The following ITPKB variants were observed in gnomAD, a reference collection of about 807,000 sequenced individuals.
The protein encoded by ITPKB is inositol-trisphosphate 3-kinase B.
A neutral mutation model predicts 69.4 loss-of-function variants in ITPKB; 13 were observed. That is an observed-to-expected ratio of 0.19 (90% CI 0.12 to 0.30). The LOEUF (loss-of-function observed/expected upper bound fraction) is 0.30. Ranked by LOEUF, ITPKB falls within the 10% of genes least tolerant of loss-of-function variation. The pLI, the probability that ITPKB is intolerant of heterozygous loss-of-function variation, is 1.00. For synonymous variants in ITPKB, 584 were observed against 513.7 expected (o/e 1.14, Z -1.85); for missense variants, 1,240 against 1,250.5 (o/e 0.99, Z 0.13).
At chr1:226,691,396 G>C (rs780088345) in intron 2 of ITPKB, among the ~76,000 whole-genome samples, 2 of 152,162 alleles carry the variant, frequency 1.3e-5, no homozygotes, top group African/African-American at 2.4e-5. Flanking sequence ...CCGTGCTGGG[G>C]TGGGGCCTGG....
intron 2 of ITPKB, among the ~76,000 whole-genome samples, chr1:226,730,904 T>C (rs570535180): frequency 6.6e-5 from 10 of 152,354 alleles, no homozygotes; most frequent in East Asian, 1.9e-4. Context: ...AAATGACTTA[T>C]GTAACACCTC....
intron 2 of ITPKB, among the ~76,000 whole-genome samples, chr1:226,689,415 C>T (rs76196166): frequency 0.014 from 2,102 of 152,216 alleles, 108 homozygotes; most frequent in Admixed American, 0.081. Flanking sequence ...AACCAGCAGC[C>T]GCTGCTGCGG....
At position 226,661,755 on chromosome 1, in the gene ITPKB, C is replaced by A. The variant is rs545240034; in HGVS notation, c.1933-12984G>T. 2.0e-5 allele frequency among the ~76,000 whole-genome samples: 3 copies of A among 152,342 alleles called. No individual in the cohort carries two copies. The South Asian group carries it at 6.2e-4, about 32-fold the overall frequency. On this transcript the variant is annotated intron_variant, in intron 2 of 7. Transcript: ENST00000429204. ...GCAGATACATTTTGCATACCTCTCA[C>A]GTATACTGTCTGGTCTGACCCCCTC...
At chr1:226,716,560 T>C (rs1657102166) in intron 2 of ITPKB, among the ~76,000 whole-genome samples, 1 of 152,226 alleles carries the variant, frequency 6.6e-6, no homozygotes, top group African/African-American at 2.4e-5. Flanking sequence ...TCCTGATGCT[T>C]TCCCTACCTC....
intron 2 of ITPKB, chr1:226,674,969 C>T (rs1382626617): frequency 6.6e-6 from 1 of 152,154 alleles, no homozygotes; most frequent in Non-Finnish European, 1.5e-5. Context: ...CCAGTTCCTT[C>T]CAAAACAAAG....
At chr1:226,662,128 T>TC (rs1214048378) in intron 2 of ITPKB, among the ~76,000 whole-genome samples, 1 of 151,342 alleles carries the variant, frequency 6.6e-6, no homozygotes, top group Non-Finnish European at 1.5e-5. Flanking sequence ...CACCCAAACC[T>TC]CCCCCAGGGA....
Position 226,736,406 on chromosome 1 carries a change from G to A in ITPKB, c.1053C>T (p.Gly351=). ...ALVERQGQFL[G]SETSPAPERG... ...TTTCTGGGGCTGGGCTTGTCTCACTGCCCAGAAACTGCCCCTGCCTCTCCA... is the reference window on the plus strand; with the variant it reads ...TTTCTGGGGCTGGGCTTGTCTCACTACCCAGAAACTGCCCCTGCCTCTCCA... The change falls in exon 2 of 8, where the codon GGC becomes GGT. Residue 351 remains glycine, a synonymous_variant. Coordinates refer to ENST00000429204, the MANE Select transcript of ITPKB (RefSeq NM_002221.4). 6.2e-7 allele frequency: 1 copy of A among 1,612,452 alleles called. No individual in the cohort carries two copies. Among genetic ancestry groups the A allele is most frequent in the Non-Finnish European group, 8.5e-7 (1 of 1,179,988 alleles).
intron 2 of ITPKB, among the ~76,000 whole-genome samples, chr1:226,708,669 G>T (rs1656871606): frequency 6.6e-6 from 1 of 152,230 alleles, no homozygotes; most frequent in Non-Finnish European, 1.5e-5. Flanking sequence ...GTGAGACAGG[G>T]CAGAGAGATG....
intron 2 of ITPKB, among the ~76,000 whole-genome samples, chr1:226,710,548 A>G (rs1452135859): frequency 6.6e-6 from 1 of 152,102 alleles, no homozygotes; most frequent in Non-Finnish European, 1.5e-5. Context: ...GACTCTGGCC[A>G]CTCTTAAGCG....
intron 2 of ITPKB, among the ~76,000 whole-genome samples, chr1:226,719,859 G>C (rs977499592): frequency 6.6e-6 from 1 of 152,246 alleles, no homozygotes; most frequent in Admixed American, 6.5e-5. Flanking sequence ...CCCGTGGGCA[G>C]ATCTGCCCTT....
chr1:226,728,689 C>A (rs1023002940), intron 2 of ITPKB, among the ~76,000 whole-genome samples: 5 of 152,304 alleles, frequency 3.3e-5, no homozygotes, highest in African/African-American at 7.2e-5. Context: ...TACTACTACA[C>A]CCCTACTATG....
chr1:226,662,055 C>G (rs1481977375), intron 2 of ITPKB, among the ~76,000 whole-genome samples: 1 of 152,130 alleles, frequency 6.6e-6, no homozygotes, highest in Non-Finnish European at 1.5e-5. Context: ...AGGGAGTGCA[C>G]GGACGATGAG....
chr1:226,712,079 G>C (rs1219728668), intron 2 of ITPKB, among the ~76,000 whole-genome samples: 1 of 152,170 alleles, frequency 6.6e-6, no homozygotes, highest in Non-Finnish European at 1.5e-5. Flanking sequence ...AAGCCGCGAG[G>C]GTGGAAACTT....
intron 2 of ITPKB, among the ~76,000 whole-genome samples, chr1:226,687,828 C>A (rs1355652543): frequency 1.3e-5 from 2 of 152,138 alleles, no homozygotes; most frequent in Admixed American, 6.5e-5. Context: ...CTACTCAAGA[C>A]CATAGGGATG....
intron 4 of ITPKB, 92 bp downstream of exon 4, chr1:226,647,075 G>T: frequency 8.8e-7 from 1 of 1,138,528 alleles, no homozygotes. Flanking sequence ...TTGCACCTGT[G>T]AGGCCTCCGG....
intron 2 of ITPKB, among the ~76,000 whole-genome samples, chr1:226,712,194 C>A (rs567693225): frequency 6.6e-6 from 1 of 152,184 alleles, no homozygotes; most frequent in Admixed American, 6.5e-5. Context: ...TCCCACCGCA[C>A]GAGAGATGGG....
intron 2 of ITPKB, among the ~76,000 whole-genome samples, chr1:226,661,224 G>T (rs1490877761): frequency 6.6e-6 from 1 of 152,236 alleles, no homozygotes; most frequent in African/African-American, 2.4e-5. Context: ...CCCACAGAGA[G>T]GTAAGGCAGG....
chr1:226,665,823 C>A (rs1669490037), intron 2 of ITPKB, among the ~76,000 whole-genome samples: 1 of 152,208 alleles, frequency 6.6e-6, no homozygotes, highest in Non-Finnish European at 1.5e-5. Flanking sequence ...GCGTTTGGGA[C>A]TTGCAGCCAC....
intron 2 of ITPKB, among the ~76,000 whole-genome samples, chr1:226,677,118 A>G (rs2102771003): frequency 6.6e-6 from 1 of 152,342 alleles, no homozygotes; most frequent in East Asian, 1.9e-4. Flanking sequence ...GGCCAAAGGC[A>G]TCCCCATCAT....
Sources: gnomAD v4.1 joint callset for allele counts (sites outside exome capture counted in the v4.1 genomes callset) on GRCh38, gnomAD v4.1.1 for gene constraint, MANE v1.5 for transcripts, NCBI Gene and HGNC (gene_info 2026-07-23, HGNC 2026-07-21) for gene names.